GRID2: variants seen among roughly 807,000 people sequenced by gnomAD.
The protein encoded by GRID2 is glutamate receptor ionotropic, delta-2.
GRID2 carries 33 observed loss-of-function variants against 114.8 expected under a neutral mutation model. That is an observed-to-expected ratio of 0.29 (90% CI 0.22 to 0.38). The LOEUF (loss-of-function observed/expected upper bound fraction) is 0.38. Among genes scored for constraint, GRID2 ranks in the 10% least tolerant of loss-of-function variants. The probability of loss-of-function intolerance (pLI) is 1.00; values close to 1 mark genes in which losing one functional copy is unlikely to be tolerated. For synonymous variants in GRID2, 505 were observed against 449.9 expected, an observed-to-expected ratio of 1.12 and a Z score of -1.55; for missense variants, 1,184 against 1,257.7, an observed-to-expected ratio of 0.94 and a Z score of 0.89.
In GRID2 at chr4:92,735,277, A is replaced by G. The variant is rs554942277; in HGVS notation, c.244+144991A>G. 1.3e-4 allele frequency among the ~76,000 whole-genome samples: 20 copies of G among 152,248 alleles called. No individual in the cohort carries two copies. In the South Asian group the frequency reaches 3.7e-3, roughly 28 times the overall value. ...TGCCTGAAGCTATGGATGCTACCGA[A>G]TCCTACATACATTATATTTTTCTTA... On this transcript the variant is annotated intron_variant, in intron 2 of 15. Coordinates refer to ENST00000282020, the MANE Select transcript of GRID2 (RefSeq NM_001510.4).
intron 2 of GRID2, among the ~76,000 whole-genome samples, chr4:92,736,772 C>T (rs1030514630): frequency 1.3e-5 from 2 of 152,110 alleles, no homozygotes; most frequent in African/African-American, 4.8e-5. Context: ...TTTCTTCTAA[C>T]AGTCCCAAGT....
At chr4:92,399,663 CTCTATA>C (rs1306079275) in intron 1 of GRID2, among the ~76,000 whole-genome samples, 2,030 of 131,702 alleles carry the variant, frequency 0.015, 36 homozygotes, top group African/African-American at 0.059. Flanking sequence ...CTCTCTCTCT[CTCTATA>C]TATATATATA....
At chr4:92,940,797 A>G (rs1751056981) in intron 2 of GRID2, among the ~76,000 whole-genome samples, 1 of 152,110 alleles carries the variant, frequency 6.6e-6, no homozygotes, top group Non-Finnish European at 1.5e-5. Context: ...AATTTTGTCA[A>G]AGGCCTTTTG....
chr4:93,567,598 A>T lies in GRID2; in HGVS notation c.2193+52187A>T, dbSNP rs117397445. Among the ~76,000 whole-genome samples the T allele has an allele frequency of 1.4e-4, 21 of 152,352 alleles. No individual in the cohort carries two copies. The East Asian group carries it at 4.0e-3, about 29-fold the overall frequency. On this transcript the variant is annotated intron_variant, in intron 13 of 15. Coordinates refer to ENST00000282020, the MANE Select transcript of GRID2 (RefSeq NM_001510.4). The stretch of plus-strand genomic sequence containing the variant: ...TGAAGAAAAGGCTAAAATAAGACAG[A>T]TAATGTAAGATATATGTGTGTTGTG...
chr4:92,530,184 A>C (rs1332333978), intron 1 of GRID2, among the ~76,000 whole-genome samples: 1 of 152,100 alleles, frequency 6.6e-6, no homozygotes, highest in Non-Finnish European at 1.5e-5. Flanking sequence ...TTAGAAAATC[A>C]CCATTTTCAA....
intron 1 of GRID2, among the ~76,000 whole-genome samples, chr4:92,489,695 A>C (rs775664384): frequency 1.3e-5 from 2 of 151,992 alleles, no homozygotes; most frequent in Non-Finnish European, 2.9e-5. Flanking sequence ...AAAATACAAA[A>C]ACTAGCAAGC....
At chr4:93,132,317 C>A (rs780227676) in intron 4 of GRID2, among the ~76,000 whole-genome samples, 1 of 152,146 alleles carries the variant, frequency 6.6e-6, no homozygotes, top group Non-Finnish European at 1.5e-5. Context: ...AAAATGTTTG[C>A]CTTATGTAGC....
chr4:92,901,804 A>G (rs1039162837), intron 2 of GRID2, among the ~76,000 whole-genome samples: 1 of 151,864 alleles, frequency 6.6e-6, no homozygotes, highest in Non-Finnish European at 1.5e-5. Context: ...TACTAGAAAT[A>G]CTGATCTATA....
At chr4:93,618,462 T>G (rs944614434) in intron 13 of GRID2, among the ~76,000 whole-genome samples, 7 of 152,186 alleles carry the variant, frequency 4.6e-5, no homozygotes, top group Non-Finnish European at 1.0e-4. Flanking sequence ...CCTCTCTTCC[T>G]GTGGGCCAGA....
rs549568208 is a variant in GRID2 at position 93,681,010 on chromosome 4, T to C, written c.2360+54575T>C. Among the ~76,000 whole-genome samples, 823 of 151,554 alleles carry C rather than the reference T, an allele frequency of 5.4e-3. 19 individuals carry two copies. The highest frequency in any genetic ancestry group is 0.019 in the African/African-American group (786 of 40,994). ...CAATTGTCCCTGTTTGCAGATGACA[T>C]GATTGTATATCTAGAAAACCCCATT... On this transcript the variant is annotated intron_variant, in intron 14 of 15. Coordinates refer to ENST00000282020, the MANE Select transcript of GRID2 (RefSeq NM_001510.4).
At chr4:92,333,100 G>T (rs540465739) in intron 1 of GRID2, among the ~76,000 whole-genome samples, 2 of 152,242 alleles carry the variant, frequency 1.3e-5, no homozygotes, top group Non-Finnish European at 2.9e-5. Flanking sequence ...CCTGTAACAA[G>T]TCTCTGCCTG....
At chr4:93,521,112 G>C (rs1225158280) in intron 13 of GRID2, among the ~76,000 whole-genome samples, 1 of 152,154 alleles carries the variant, frequency 6.6e-6, no homozygotes, top group Admixed American at 6.6e-5. Flanking sequence ...AGAGGAGTTA[G>C]GGATGACTTC....
intron 2 of GRID2, among the ~76,000 whole-genome samples, chr4:93,027,448 G>A (rs1003028538): frequency 3.9e-5 from 6 of 152,056 alleles, no homozygotes; most frequent in African/African-American, 1.4e-4. Context: ...GACAAAGGAA[G>A]AGTGTACTCC....
intron 2 of GRID2, among the ~76,000 whole-genome samples, chr4:92,795,195 ATC>A (rs767208139): frequency 8.4e-4 from 127 of 151,792 alleles, no homozygotes; most frequent in Middle Eastern, 6.8e-3. Flanking sequence ...CCCCATTCAA[ATC>A]TCAACTCGAA....
chr4:92,475,023 G>A (rs1487883442), intron 1 of GRID2, among the ~76,000 whole-genome samples: 1 of 149,000 alleles, frequency 6.7e-6, no homozygotes, highest in Non-Finnish European at 1.5e-5. Context: ...AATGCTAAAT[G>A]ATGAGTTAAT....
chr4:93,130,982 G>A (rs1202904554), intron 4 of GRID2, among the ~76,000 whole-genome samples: 1 of 151,830 alleles, frequency 6.6e-6, no homozygotes, highest in East Asian at 1.9e-4. Context: ...GTCTCACATT[G>A]CATTTAATCT....
At chr4:92,749,765 A>G (rs1049213924) in intron 2 of GRID2, among the ~76,000 whole-genome samples, 2 of 152,172 alleles carry the variant, frequency 1.3e-5, no homozygotes, top group African/African-American at 4.8e-5. Context: ...GGGTACAAAC[A>G]TACAGGTAGA....
At chr4:92,715,180 C>T (rs900907021) in intron 2 of GRID2, among the ~76,000 whole-genome samples, 8 of 152,156 alleles carry the variant, frequency 5.3e-5, no homozygotes, top group African/African-American at 1.9e-4. Flanking sequence ...ATTTCTAGGA[C>T]AGGGGCAAAA....
intron 4 of GRID2, among the ~76,000 whole-genome samples, chr4:93,203,479 T>C (rs1324820713): frequency 6.6e-6 from 1 of 152,140 alleles, no homozygotes; most frequent in Non-Finnish European, 1.5e-5. Context: ...CAGATAAAAA[T>C]GTGTTTGTAA....
Sources: allele counts gnomAD v4.1 joint callset (sites outside exome capture counted in the v4.1 genomes callset), GRCh38; gene constraint gnomAD v4.1.1; transcripts MANE v1.5; gene names NCBI Gene and HGNC (gene_info 2026-07-23, HGNC 2026-07-21).